SECTM1: variants seen among roughly 807,000 people sequenced by gnomAD.
SECTM1 encodes the protein secreted and transmembrane 1.
In SECTM1, 10 loss-of-function variants were observed where a neutral mutation model predicts 18.1. The ratio of observed to expected loss-of-function variants is 0.55; its 90% confidence interval spans 0.34 to 0.94. SECTM1 has a LOEUF of 0.94. Among genes scored for constraint, SECTM1 ranks in the 40% least tolerant of loss-of-function variants. SECTM1 has a pLI of 0.02. For synonymous variants in SECTM1, 137 were observed against 139.2 expected (o/e 0.98, Z 0.11); for missense variants, 297 against 322.6 (o/e 0.92, Z 0.61).
Position 82,326,791 on chromosome 17 carries a change from A to G in SECTM1, c.94+356T>C, listed in dbSNP as rs1599654476. 6.6e-6 allele frequency among the ~76,000 whole-genome samples: 1 copy of G among 151,994 alleles called. No individual in the cohort carries two copies. Among genetic ancestry groups the G allele is most frequent in the Non-Finnish European group, 1.5e-5 (1 of 67,988 alleles). The stretch of plus-strand genomic sequence containing the variant: ...CCAGGGCTGCTGTCTGTTCCCGGCC[A>G]TGGCACAGGTCGCAACTGACCCAGA... On this transcript the variant is annotated intron_variant, in intron 2 of 4. Transcript: ENST00000269389. This position sits in a 1 kb window ranked among gnomAD's most constrained non-coding sequence, Gnocchi z 4.3.
rs921294346 is a variant in SECTM1 at position 82,330,086 on chromosome 17, C to T, written c.-52-2794G>A. ...CCCCTGCATGGAGGTGAGGTTCACA[C>T]AAGGAGACCCCAGGGGGCCTGGGTC... On this transcript the variant is annotated intron_variant, in intron 1 of 4. Coordinates refer to ENST00000269389, the MANE Select transcript of SECTM1 (RefSeq NM_003004.3). The surrounding 1 kb of genome is among the most constrained non-coding windows in gnomAD (Gnocchi z 6.1). 1.3e-5 allele frequency among the ~76,000 whole-genome samples: 2 copies of T among 152,178 alleles called. No homozygotes were observed. Among genetic ancestry groups the T allele is most frequent in the Non-Finnish European group, 2.9e-5 (2 of 68,010 alleles).
At position 82,326,455 on chromosome 17, in the gene SECTM1, C is replaced by T. The variant is rs922787588; in HGVS notation, c.94+692G>A. On this transcript the variant is annotated intron_variant, in intron 2 of 4. Coordinates refer to ENST00000269389, the MANE Select transcript of SECTM1 (RefSeq NM_003004.3). This position sits in a 1 kb window ranked among gnomAD's most constrained non-coding sequence, Gnocchi z 4.3. The stretch of plus-strand genomic sequence containing the variant: ...TCTCTACAAAAAATACACAATTTAG[C>T]CAGGTATGGTGTGCATGCCTGTAGT... Among the ~76,000 whole-genome samples, 5 of 151,636 alleles carry T rather than the reference C, an allele frequency of 3.3e-5. No individual in the cohort carries two copies. The highest frequency in any genetic ancestry group is 7.4e-5 in the Non-Finnish European group (5 of 67,888).
rs574202839 is a variant in SECTM1, at chr17:82,327,354, C to T, written c.-52-62G>A. The T allele has an allele frequency of 2.1e-5, 20 of 946,992 alleles. No individual in the cohort carries two copies. The East Asian group carries it at 3.9e-4, about 18-fold the overall frequency. The allele number at this position is 946,992 out of a possible 1,614,324, so 58.7% of individuals were successfully genotyped here. A position where few individuals can be genotyped will look rare whatever the true frequency, so the allele number is the denominator to read the frequency against. ...CAGCTGCTGAAGGGGACAGCGGGAG[C>T]GGCTGTCACCTGGCGGGGGCTGGGA... is the stretch of plus-strand genomic sequence containing the variant. On this transcript the variant is annotated intron_variant, in intron 1 of 4. Transcript: ENST00000269389.
At position 82,329,469 on chromosome 17, in the gene SECTM1, G is replaced by A. The variant is rs2052174865; in HGVS notation, c.-52-2177C>T. 1 of 152,294 alleles carries A rather than the reference G, an allele frequency of 6.6e-6. No homozygotes were observed. Among genetic ancestry groups the A allele is most frequent in the Non-Finnish European group, 1.5e-5 (1 of 68,132 alleles). The allele number at this position is 152,294 out of a possible 1,614,324, so 9.4% of individuals were successfully genotyped here. ...GCTCAGTACAAGTCCAGTCCCTTCT[G>A]TTGGAAACCCCACCCCACCCTGTCA... On this transcript the variant is annotated intron_variant, in intron 1 of 4. Coordinates refer to ENST00000269389, the MANE Select transcript of SECTM1 (RefSeq NM_003004.3). This position sits in a 1 kb window ranked among gnomAD's most constrained non-coding sequence, Gnocchi z 7.6.
rs372872268 is a variant in SECTM1 at position 82,328,976 on chromosome 17, G to A, written c.-52-1684C>T. The stretch of plus-strand genomic sequence containing the variant: ...ACTCTGTAAAGCGACCTTCAGACGT[G>A]CTATTTATAGATGTCTATAGATTTA... On this transcript the variant is annotated intron_variant, in intron 1 of 4. Coordinates refer to ENST00000269389, the MANE Select transcript of SECTM1 (RefSeq NM_003004.3). The surrounding 1 kb of genome is among the most constrained non-coding windows in gnomAD (Gnocchi z 5.8). Among the ~76,000 whole-genome samples the A allele has an allele frequency of 1.6e-3, 245 of 152,324 alleles. No homozygotes were observed. The highest frequency in any genetic ancestry group is 5.7e-3 in the African/African-American group (236 of 41,558).
Position 82,322,408 on chromosome 17 carries a change from C to T in SECTM1, c.538-38G>A, listed in dbSNP as rs377347201. 3.5e-4 allele frequency: 563 copies of T among 1,593,000 alleles called. 1 individual carries two copies. The highest frequency in any genetic ancestry group is 7.7e-4 in the South Asian group (70 of 90,556). The stretch of plus-strand genomic sequence containing the variant: ...GAAGGAGGTGCCTGTGTGAGCCGCG[C>T]GCCCCCGTGCCCACAGCTCTGCCCT... On this transcript the variant is annotated intron_variant, in intron 4 of 4. Coordinates refer to ENST00000269389, the MANE Select transcript of SECTM1 (RefSeq NM_003004.3).
At chr17:82,322,791 G>A in intron 4 of SECTM1, 87 bp downstream of exon 4, 1 of 1,498,924 alleles carries the variant, frequency 6.7e-7, no homozygotes, top group South Asian at 1.3e-5. Flanking sequence ...GCCCCAGCAG[G>A]TGCAGGACAG....
rs2052084538 is a variant in SECTM1, at chr17:82,321,227, G to A, written c.*934C>T. ...GAGGACGCCTTAGGGACGTTTTGGG[G>A]CTTAAAGCCACTAAAGACGTTTCTT... On this transcript the variant is annotated 3_prime_UTR_variant, in exon 5 of 5. Transcript: ENST00000269389. The A allele has an allele frequency of 6.6e-6, 1 of 152,196 alleles. No homozygotes were observed. The highest frequency in any genetic ancestry group is 6.5e-5 in the Admixed American group (1 of 15,284). 9.4% of individuals were successfully genotyped at this position (152,196 alleles called of 1,614,324 possible).
upstream of SECTM1, chr17:82,333,938 G>A (rs548735954): frequency 6.6e-6 from 1 of 152,412 alleles, no homozygotes; most frequent in South Asian, 2.1e-4. Context: ...CCGCACCCGC[G>A]GTTCACGCTA....
chr17:82,326,152 A>T lies in SECTM1; in HGVS notation c.94+995T>A, dbSNP rs2052143881. On this transcript the variant is annotated intron_variant, in intron 2 of 4. Coordinates refer to ENST00000269389, the MANE Select transcript of SECTM1 (RefSeq NM_003004.3). The surrounding 1 kb of genome is among the most constrained non-coding windows in gnomAD (Gnocchi z 4.3). ...CCCAGCCCAGTTACACTTTGGAACC[A>T]CTGTTGGGGGGTGGGGGCAGAATCT... Among the ~76,000 whole-genome samples, 1 of 152,230 alleles carries T rather than the reference A, an allele frequency of 6.6e-6. No individual in the cohort carries two copies. Among genetic ancestry groups the T allele is most frequent in the South Asian group, 2.1e-4 (1 of 4,836 alleles).
At chr17:82,323,969 ATGGGAG>A (rs113199635) in intron 3 of SECTM1, among the ~76,000 whole-genome samples, 8,831 of 147,452 alleles carry the variant, frequency 0.06, 356 homozygotes, top group African/African-American at 0.11. Context: ...GGTGGACAAC[ATGGGAG>A]TGGGAGTGGG....
rs557415800 is a variant in SECTM1, at chr17:82,322,104, C to T, written c.*57G>A. The T allele has an allele frequency of 1.3e-6, 2 of 1,574,888 alleles. No homozygotes were observed. Among genetic ancestry groups the T allele is most frequent in the African/African-American group, 1.3e-5 (1 of 74,140 alleles). On this transcript the variant is annotated 3_prime_UTR_variant, in exon 5 of 5. Coordinates refer to ENST00000269389, the MANE Select transcript of SECTM1 (RefSeq NM_003004.3). ...GTGGGACGAGAGACCCAGGCCCCGC[C>T]ACCCAAGGTCGGCACTCAGGGCTGG...
In SECTM1 at chr17:82,321,965, G is replaced by A; in HGVS notation, c.*196C>T. 1.7e-6 allele frequency: 1 copy of A among 580,974 alleles called. No individual in the cohort carries two copies. The allele number at this position is 580,974 out of a possible 1,614,324, so 36.0% of individuals were successfully genotyped here. On this transcript the variant is annotated 3_prime_UTR_variant, in exon 5 of 5. Coordinates refer to ENST00000269389, the MANE Select transcript of SECTM1 (RefSeq NM_003004.3). ...GTGAGGTGGTTCCATTTTGGAAACT[G>A]AGGAAGCAGAGCTTGGAAGACCTGG...
chr17:82,331,074 T>A (rs573887605), intron 1 of SECTM1, among the ~76,000 whole-genome samples: 2 of 152,114 alleles, frequency 1.3e-5, no homozygotes, highest in Non-Finnish European at 2.9e-5. Context: ...CCCTGACCCT[T>A]GTCCAGCCAG....
At chr17:82,332,282 A>G (rs986483786) in intron 1 of SECTM1, among the ~76,000 whole-genome samples, 2 of 152,210 alleles carry the variant, frequency 1.3e-5, no homozygotes, top group Admixed American at 6.5e-5. Flanking sequence ...GCTCCCTGAC[A>G]AGCGATGATG....
At chr17:82,332,273 C>T (rs2052197641) in intron 1 of SECTM1, among the ~76,000 whole-genome samples, 1 of 152,246 alleles carries the variant, frequency 6.6e-6, no homozygotes, top group Non-Finnish European at 1.5e-5. Flanking sequence ...GGTCTGAGTG[C>T]TCCCTGACAA....
intron 4 of SECTM1, 35 bp downstream of exon 4, chr17:82,322,843 C>T: frequency 6.2e-7 from 1 of 1,610,620 alleles, no homozygotes; most frequent in East Asian, 2.2e-5. Context: ...CCAAGACTCC[C>T]CACCCCGCAC....
At chr17:82,327,969 C>T (rs1425575250) in intron 1 of SECTM1, among the ~76,000 whole-genome samples, 1 of 143,814 alleles carries the variant, frequency 7.0e-6, no homozygotes, top group African/African-American at 2.6e-5. Context: ...GCCCGTCCAC[C>T]GGCCTCCCCA....
chr17:82,322,961 C>T lies in SECTM1; in HGVS notation c.454G>A (p.Val152Met), dbSNP rs1185116592. The change falls in exon 4 of 5, where the codon GTG becomes ATG. Residue 152 changes from valine to methionine, a missense_variant. By Grantham distance (21) the Val-to-Met change is conservative. Transcript: ENST00000269389. ...AAGAGGATGAAGACAGCAGTGACCA[C>T]CGCTGGCACAGGCCAGAACCCAGTG... ...PDTGFWPVPA[V>M]VTAVFILLVA... 1.2e-6 allele frequency: 2 copies of T among 1,613,772 alleles called. No individual in the cohort carries two copies. The highest frequency in any genetic ancestry group is 1.7e-6 in the Non-Finnish European group (2 of 1,179,968).
Sources: gnomAD v4.1 joint callset for allele counts (sites outside exome capture counted in the v4.1 genomes callset) on GRCh38, gnomAD v4.1.1 for gene constraint, Gnocchi (gnomAD v3.1) non-coding constraint, MANE v1.5 for transcripts, NCBI Gene and HGNC (gene_info 2026-07-23, HGNC 2026-07-21) for gene names.